GLI2: variants seen among roughly 807,000 people sequenced by gnomAD.
GLI2 encodes the protein transcription activator GLI2.
A neutral mutation model predicts 78.9 loss-of-function variants in GLI2; 22 were observed. The observed-to-expected ratio is 0.28, with a 90% CI of 0.20 to 0.40. GLI2 has a LOEUF of 0.40. GLI2 is among the 10% of genes least tolerant of loss of function. The probability of loss-of-function intolerance (pLI) is 1.00; values close to 1 mark genes in which losing one functional copy is unlikely to be tolerated. For missense variants in GLI2, 2,097 were observed against 2,213.2 expected, an observed-to-expected ratio of 0.95 and a Z score of 1.05; for synonymous variants, 974 against 963.7, an observed-to-expected ratio of 1.01 and a Z score of -0.20.
intron 2 of GLI2, among the ~76,000 whole-genome samples, chr2:120,906,761 G>C (rs1573576481): frequency 6.6e-6 from 1 of 152,226 alleles, no homozygotes; most frequent in East Asian, 1.9e-4. Context: ...TCATAGTTGA[G>C]GCCACCAGCA....
At chr2:120,912,438 A>C (rs1678870580) in intron 2 of GLI2, among the ~76,000 whole-genome samples, 1 of 152,160 alleles carries the variant, frequency 6.6e-6, no homozygotes, top group Non-Finnish European at 1.5e-5. Flanking sequence ...CCAACAAAAT[A>C]GGGGAGCAGG....
At chr2:120,746,861 T>C (rs1405419915) in intron 1 of GLI2, among the ~76,000 whole-genome samples, 1 of 152,246 alleles carries the variant, frequency 6.6e-6, no homozygotes, top group Non-Finnish European at 1.5e-5. Context: ...GTTACATTAA[T>C]ACAGTCTTGT....
At chr2:120,835,386 T>A (rs1396479337) in intron 2 of GLI2, among the ~76,000 whole-genome samples, 1 of 80,904 alleles carries the variant, frequency 1.2e-5, no homozygotes, top group Non-Finnish European at 2.6e-5. Context: ...GGCACCAGAC[T>A]TTTTTTTTTT....
At chr2:120,870,521 A>G (rs1325186938) in intron 2 of GLI2, among the ~76,000 whole-genome samples, 4 of 152,160 alleles carry the variant, frequency 2.6e-5, no homozygotes, top group African/African-American at 9.7e-5. Context: ...GGAATTGGTG[A>G]AAGAGATTGG....
chr2:120,884,472 A>G (rs1487474725), intron 2 of GLI2, among the ~76,000 whole-genome samples: 1 of 152,162 alleles, frequency 6.6e-6, no homozygotes, highest in African/African-American at 2.4e-5. Context: ...GAGGAAGGAC[A>G]TTGCCCAGCA....
intron 2 of GLI2, among the ~76,000 whole-genome samples, chr2:120,807,154 C>A (rs1369018865): frequency 6.6e-6 from 1 of 152,136 alleles, no homozygotes; most frequent in Admixed American, 6.5e-5. Context: ...CTTGGGCAAG[C>A]CCCCTGGGGA....
chr2:120,877,647 G>A (rs1688823985), intron 2 of GLI2, among the ~76,000 whole-genome samples: 1 of 152,266 alleles, frequency 6.6e-6, no homozygotes, highest in South Asian at 2.1e-4. Flanking sequence ...TTTCTATCTG[G>A]TTGCTTTCTT....
chr2:120,890,442 CATATAT>C (rs70954512), intron 2 of GLI2, among the ~76,000 whole-genome samples: 64,909 of 149,780 alleles, frequency 0.43, 14,316 homozygotes, highest in South Asian at 0.54. Context: ...CACACATTCA[CATATAT>C]ATATATATAT....
chr2:120,857,313 T>C (rs1483804688), intron 2 of GLI2, among the ~76,000 whole-genome samples: 2 of 128,506 alleles, frequency 1.6e-5, no homozygotes, highest in Non-Finnish European at 3.3e-5. Context: ...GCCCATCCAC[T>C]TACCCATTTG....
At chr2:120,823,753 T>C (rs905304658) in intron 2 of GLI2, among the ~76,000 whole-genome samples, 1 of 152,116 alleles carries the variant, frequency 6.6e-6, no homozygotes, top group African/African-American at 2.4e-5. Flanking sequence ...TCTGGGCAGA[T>C]GGAGCCACTC....
chr2:120,933,006 G>C (rs1680018015), intron 3 of GLI2, among the ~76,000 whole-genome samples: 1 of 152,156 alleles, frequency 6.6e-6, no homozygotes, highest in African/African-American at 2.4e-5. Flanking sequence ...TTTATTTTCA[G>C]GCAGCTACAG....
chr2:120,830,977 CTG>C (rs1389673086), intron 2 of GLI2, among the ~76,000 whole-genome samples: 4 of 113,338 alleles, frequency 3.5e-5, no homozygotes, highest in African/African-American at 6.7e-5. Context: ...GTATCTCTCT[CTG>C]TCTCTTTTTT....
At chr2:120,980,089 A>G (rs553799066) in intron 10 of GLI2, among the ~76,000 whole-genome samples, 1 of 152,324 alleles carries the variant, frequency 6.6e-6, no homozygotes, top group Admixed American at 6.5e-5. Context: ...TATTATGAAT[A>G]ATGCTGCTAT....
At chr2:120,976,699 G>T (rs990017961) in intron 9 of GLI2, among the ~76,000 whole-genome samples, 1 of 152,200 alleles carries the variant, frequency 6.6e-6, no homozygotes, top group African/African-American at 2.4e-5. Context: ...AATGCGGAGG[G>T]TCCCCAAACT....
At position 120,986,307 on chromosome 2, in the gene GLI2, G is replaced by A. The variant is rs114259687; in HGVS notation, c.1935G>A (p.Ser645=). The A allele has an allele frequency of 2.7e-3, 4,407 of 1,613,374 alleles. 24 individuals carry two copies. Among genetic ancestry groups the A allele is most frequent in the Middle Eastern group, 0.016 (94 of 6,062 alleles). The change falls in exon 13 of 14, where the codon TCG becomes TCA. Residue 645 remains serine, a synonymous_variant. Coordinates refer to ENST00000361492, the MANE Select transcript of GLI2 (RefSeq NM_001374353.1). ...GTCAGTCCAGCCCCGGGGCCCAGTC[G>A]TCCTGCAGCAGCGAGCCCTCTCCTC... The part of the protein sequence containing the change: ...GLCQSSPGAQ[S]SCSSEPSPLG...
chr2:120,898,177 A>AACACACACAC (rs55794893), intron 2 of GLI2, among the ~76,000 whole-genome samples: 4,427 of 140,218 alleles, frequency 0.032, 76 homozygotes, highest in African/African-American at 0.05. Context: ...TATAGATTAA[A>AACACACACAC]ACACACACAC....
In GLI2 at chr2:120,896,675, C is replaced by CA. The variant is rs1553462759; in HGVS notation, c.149-30686_149-30685insA. Among the ~76,000 whole-genome samples the CA allele has an allele frequency of 7.7e-4, 112 of 146,258 alleles. 4 individuals carry two copies. Among genetic ancestry groups the CA allele is most frequent in the East Asian group, 3.2e-3 (16 of 4,988 alleles). Reference sequence around the variant, plus strand: ...CACACACACACATACACCCACCCCCCCACACACTCACACACACCCATACAC... The same window carrying CA: ...CACACACACACATACACCCACCCCCCACACACACTCACACACACCCATACAC... On this transcript the variant is annotated intron_variant, in intron 2 of 13. Coordinates refer to ENST00000361492, the MANE Select transcript of GLI2 (RefSeq NM_001374353.1).
intron 2 of GLI2, among the ~76,000 whole-genome samples, chr2:120,872,823 A>G (rs1688535969): frequency 6.6e-6 from 1 of 152,244 alleles, no homozygotes; most frequent in African/African-American, 2.4e-5. Flanking sequence ...GCCCATGGTA[A>G]GGGCTCAGAT....
At chr2:120,929,076 G>A (rs915974385) in intron 3 of GLI2, among the ~76,000 whole-genome samples, 1 of 152,290 alleles carries the variant, frequency 6.6e-6, no homozygotes, top group East Asian at 1.9e-4. Context: ...CAGTTTTAAA[G>A]AGTACTGGCC....
Sources: gnomAD v4.1 joint callset for allele counts (sites outside exome capture counted in the v4.1 genomes callset) on GRCh38, gnomAD v4.1.1 for gene constraint, MANE v1.5 for transcripts, NCBI Gene and HGNC (gene_info 2026-07-23, HGNC 2026-07-21) for gene names.